Variants in SUGCT observed in about 807,000 individuals in gnomAD.
The protein encoded by SUGCT is succinyl-CoA:glutarate-CoA transferase.
Under a neutral mutation model 55.0 loss-of-function variants are expected in SUGCT, and 41 were observed. The ratio of observed to expected loss-of-function variants is 0.74; its 90% CI spans 0.58 to 0.97. The LOEUF (loss-of-function observed/expected upper bound fraction) is 0.97. Ranked by LOEUF, SUGCT falls within the 50% of genes least tolerant of loss-of-function variation. The probability of loss-of-function intolerance (pLI) is 0.00; values close to 1 mark genes in which losing one functional copy is unlikely to be tolerated. For missense variants in SUGCT, 568 were observed against 547.8 expected (o/e 1.04, Z -0.37); for synonymous variants, 187 against 200.4 (o/e 0.93, Z 0.56).
chr7:40,460,666 T>C (rs1178781029), intron 11 of SUGCT, among the ~76,000 whole-genome samples: 6 of 152,208 alleles, frequency 3.9e-5, no homozygotes, highest in Non-Finnish European at 8.8e-5. Flanking sequence ...TTAAAACTTT[T>C]ATTCCTTGCT....
At chr7:40,175,744 G>A (rs1340227655) in intron 1 of SUGCT, among the ~76,000 whole-genome samples, 3 of 151,914 alleles carry the variant, frequency 2.0e-5, no homozygotes, top group African/African-American at 7.3e-5. Context: ...GCACAAAAAT[G>A]TTAAAAACGT....
intron 12 of SUGCT, among the ~76,000 whole-genome samples, chr7:40,609,173 A>G (rs1269789396): frequency 6.6e-6 from 1 of 152,170 alleles, no homozygotes; most frequent in Non-Finnish European, 1.5e-5. Flanking sequence ...AAACAATGAT[A>G]ATGGTAGAGT....
intron 12 of SUGCT, among the ~76,000 whole-genome samples, chr7:40,651,958 C>T (rs1334255040): frequency 1.3e-5 from 2 of 151,330 alleles, no homozygotes; most frequent in Non-Finnish European, 2.9e-5. Flanking sequence ...ATCTTTTTAC[C>T]TCCACCTGTT....
intron 12 of SUGCT, among the ~76,000 whole-genome samples, chr7:40,546,239 G>A (rs113241010): frequency 2.6e-5 from 4 of 152,050 alleles, no homozygotes; most frequent in African/African-American, 7.2e-5. Flanking sequence ...ACTCCTGTGC[G>A]CTGTCCTCAA....
chr7:40,176,094 T>C (rs1784909813), intron 1 of SUGCT, among the ~76,000 whole-genome samples: 2 of 151,936 alleles, frequency 1.3e-5, no homozygotes, highest in Admixed American at 6.6e-5. Flanking sequence ...CAGCGGGACA[T>C]GGTGGCACAT....
At chr7:40,764,026 A>G (rs963897303) in intron 13 of SUGCT, among the ~76,000 whole-genome samples, 18 of 152,174 alleles carry the variant, frequency 1.2e-4, no homozygotes, top group Non-Finnish European at 2.2e-4. Context: ...TGCAGCATAT[A>G]TACAGCAGAG....
chr7:40,890,905 A>G, the SUGCT span, among the ~76,000 whole-genome samples: 1 of 152,236 alleles, frequency 6.6e-6, no homozygotes, highest in South Asian at 2.1e-4. Flanking sequence ...ATACTGATGG[A>G]AAACCAAACA....
intron 12 of SUGCT, among the ~76,000 whole-genome samples, chr7:40,667,882 G>T (rs773787660): frequency 6.6e-6 from 1 of 151,956 alleles, no homozygotes; most frequent in Non-Finnish European, 1.5e-5. Flanking sequence ...TCCTTTCAAA[G>T]AACCAATTTT....
At chr7:40,157,247 C>T (rs1364792673) in intron 1 of SUGCT, among the ~76,000 whole-genome samples, 1 of 151,990 alleles carries the variant, frequency 6.6e-6, no homozygotes, top group African/African-American at 2.4e-5. Flanking sequence ...CAGGGATCTT[C>T]CCCTTTTCTT....
chr7:40,503,124 A>T (rs1235414722), intron 12 of SUGCT, among the ~76,000 whole-genome samples: 1 of 152,028 alleles, frequency 6.6e-6, no homozygotes, highest in Non-Finnish European at 1.5e-5. Flanking sequence ...TTTTTGAGGG[A>T]GTTGAAAAGA....
chr7:40,778,900 T>C (rs1028022380), intron 13 of SUGCT, among the ~76,000 whole-genome samples: 19 of 152,202 alleles, frequency 1.2e-4, no homozygotes, highest in African/African-American at 4.1e-4. Context: ...CAAACCAATA[T>C]TAGAGTCCAT....
intron 8 of SUGCT, among the ~76,000 whole-genome samples, chr7:40,311,511 T>C (rs1795150765): frequency 6.6e-6 from 1 of 152,250 alleles, no homozygotes; most frequent in African/African-American, 2.4e-5. Context: ...GGCCTCTGTC[T>C]ACCTTTCTCT....
chr7:40,936,793 A>T, the SUGCT span, among the ~76,000 whole-genome samples: 1 of 152,068 alleles, frequency 6.6e-6, no homozygotes, highest in South Asian at 2.1e-4. Flanking sequence ...GATATGTTGC[A>T]TTTTAAAATT....
At chr7:40,563,784 C>T (rs943610689) in intron 12 of SUGCT, among the ~76,000 whole-genome samples, 6 of 151,686 alleles carry the variant, frequency 4.0e-5, no homozygotes, top group Non-Finnish European at 8.8e-5. Context: ...TGGCTTTCTG[C>T]AATCTAAGTG....
At chr7:40,851,133 G>C (rs935104910) in intron 13 of SUGCT, among the ~76,000 whole-genome samples, 1 of 152,146 alleles carries the variant, frequency 6.6e-6, no homozygotes, top group East Asian at 1.9e-4. Flanking sequence ...GCCAGGATGT[G>C]AACCTAGACA....
intron 7 of SUGCT, among the ~76,000 whole-genome samples, chr7:40,248,022 T>G (rs949124050): frequency 1.1e-4 from 17 of 150,650 alleles, no homozygotes; most frequent in South Asian, 2.1e-4. Flanking sequence ...TGTTTTTTTT[T>G]TTTTTTGAGA....
At chr7:40,549,244 T>C (rs1186728882) in intron 12 of SUGCT, among the ~76,000 whole-genome samples, 3 of 152,242 alleles carry the variant, frequency 2.0e-5, no homozygotes, top group African/African-American at 7.2e-5. Context: ...AAATTCTGTC[T>C]CTTTCAAGGG....
chr7:40,251,133 T>A (rs938385924), intron 7 of SUGCT, among the ~76,000 whole-genome samples: 5 of 152,100 alleles, frequency 3.3e-5, no homozygotes, highest in Admixed American at 3.3e-4. Context: ...CCTGCCTCAT[T>A]TCATGCTTCT....
At chr7:41,036,071 A>T in the SUGCT span, among the ~76,000 whole-genome samples, 1 of 152,140 alleles carries the variant, frequency 6.6e-6, no homozygotes, top group Non-Finnish European at 1.5e-5. Context: ...TTCAGGGAGG[A>T]CTCAGGTCCC....
Sources: allele counts gnomAD v4.1 joint callset (sites outside exome capture counted in the v4.1 genomes callset), GRCh38; gene constraint gnomAD v4.1.1; transcripts MANE v1.5; gene names NCBI Gene and HGNC (gene_info 2026-07-23, HGNC 2026-07-21).